The following MGST1 variants were observed in gnomAD, a reference collection of about 807,000 sequenced individuals.
MGST1 encodes glutathione S-transferase 12.
MGST1 carries 5 observed loss-of-function variants against 8.9 expected under a neutral mutation model. That is an observed-to-expected ratio of 0.56 (90% CI 0.29 to 1.19). The LOEUF (loss-of-function observed/expected upper bound fraction) is 1.19. Among genes scored for constraint, MGST1 ranks in the 50% most tolerant of loss-of-function variants. The pLI is 0.08. For synonymous variants in MGST1, 54 were observed against 67.8 expected (o/e 0.80, Z 1.00); for missense variants, 182 against 187.4 (o/e 0.97, Z 0.17).
intron 4 of MGST1, among the ~76,000 whole-genome samples, chr12:16,476,078 G>A (rs1025341790): frequency 6.6e-6 from 1 of 152,074 alleles, no homozygotes; most frequent in Admixed American, 6.5e-5. Flanking sequence ...TAGACCCAGT[G>A]AGGACTTGGT....
chr12:16,386,699 C>T (rs1024056080), intron 1 of MGST1, among the ~76,000 whole-genome samples: 1 of 152,084 alleles, frequency 6.6e-6, no homozygotes, highest in Non-Finnish European at 1.5e-5. Context: ...TACAGTAGGC[C>T]CCCTTTGTCT....
intron 4 of MGST1, among the ~76,000 whole-genome samples, chr12:16,521,327 GAACTTTC>G (rs1941647505): frequency 6.6e-6 from 1 of 151,974 alleles, no homozygotes; most frequent in South Asian, 2.1e-4. Flanking sequence ...ACAATGTTTT[GAACTTTC>G]TACATAACAA....
Position 16,559,686 on chromosome 12 carries a change from C to G in MGST1, n.483-29842C>G, listed in dbSNP as rs1168984610. Among the ~76,000 whole-genome samples, 1 of 151,882 alleles carries G rather than the reference C, an allele frequency of 6.6e-6. No homozygotes were observed. Among genetic ancestry groups the G allele is most frequent in the Non-Finnish European group, 1.5e-5 (1 of 68,006 alleles). On this transcript the variant is annotated intron_variant and non_coding_transcript_variant, in intron 4 of 4. Transcript: ENST00000538857. This position sits in a 1 kb window ranked among gnomAD's most constrained non-coding sequence, Gnocchi z 4.1. ...GCTAGATTGGGTGGGGGTGGTGGCT[C>G]ATGCCTATAATCCCTGCACTTTGGG... is the stretch of plus-strand genomic sequence containing the variant.
At position 16,586,026 on chromosome 12, in the gene MGST1, T is replaced by C. The variant is rs557027207; in HGVS notation, n.483-3502T>C. 6.6e-6 allele frequency among the ~76,000 whole-genome samples: 1 copy of C among 152,242 alleles called. No individual in the cohort carries two copies. The highest frequency in any genetic ancestry group is 1.9e-4 in the East Asian group (1 of 5,182). ...CTTAGGACACTGATGTTTTTGCAGC[T>C]GTTAATGAAAATCTTCAACACAGGA... On this transcript the variant is annotated intron_variant and non_coding_transcript_variant, in intron 4 of 4. Transcript: ENST00000538857. This position sits in a 1 kb window ranked among gnomAD's most constrained non-coding sequence, Gnocchi z 4.3.
intron 4 of MGST1, among the ~76,000 whole-genome samples, chr12:16,479,235 CTTT>C (rs542448251): frequency 4.5e-5 from 5 of 112,052 alleles, no homozygotes; most frequent in South Asian, 5.8e-4. Flanking sequence ...TAGACTGTAT[CTTT>C]TTTTTTTTTT....
At chr12:16,384,122 T>C (rs1451921651) in intron 1 of MGST1, among the ~76,000 whole-genome samples, 1 of 152,136 alleles carries the variant, frequency 6.6e-6, no homozygotes, top group Admixed American at 6.5e-5. Context: ...GATCTTGGGT[T>C]GGGATACTGC....
intron 1 of MGST1, chr12:16,400,351 C>T (rs1322341302): frequency 2.6e-5 from 21 of 813,856 alleles, no homozygotes; most frequent in East Asian, 4.8e-5. Context: ...TTTGTCTCCT[C>T]GAACAGATAT....
At chr12:16,387,026 G>T (rs1940509523) in intron 1 of MGST1, among the ~76,000 whole-genome samples, 1 of 152,156 alleles carries the variant, frequency 6.6e-6, no homozygotes, top group Admixed American at 6.5e-5. Context: ...GAGTAGTAAT[G>T]CTGGCATATT....
downstream of MGST1, among the ~76,000 whole-genome samples, chr12:16,442,583 T>C (rs1941047803): frequency 6.6e-6 from 1 of 151,918 alleles, no homozygotes; most frequent in Non-Finnish European, 1.5e-5. The surrounding 1 kb of genome is among the most constrained non-coding windows in gnomAD (Gnocchi z 4.5). Context: ...ATTTTCTCTA[T>C]GTATTGCCTT....
At chr12:16,454,284 A>T (rs1941152143) in intron 4 of MGST1, among the ~76,000 whole-genome samples, 1 of 151,974 alleles carries the variant, frequency 6.6e-6, no homozygotes, top group African/African-American at 2.4e-5. Context: ...TTGTTAAATA[A>T]GATTTTAAGG....
At chr12:16,519,562 TCTC>T (rs927501443) in intron 4 of MGST1, among the ~76,000 whole-genome samples, 3 of 152,174 alleles carry the variant, frequency 2.0e-5, no homozygotes, top group Non-Finnish European at 4.4e-5. Flanking sequence ...GATATTTTCT[TCTC>T]CTTTTACTAC....
chr12:16,583,645 A>C (rs576300491), intron 4 of MGST1, among the ~76,000 whole-genome samples: 104 of 152,346 alleles, frequency 6.8e-4, no homozygotes, highest in African/African-American at 2.3e-3. Flanking sequence ...CTGATAAAAA[A>C]CATCAGGGAA....
downstream of MGST1, among the ~76,000 whole-genome samples, chr12:16,592,286 G>A (rs1591821287): frequency 6.6e-6 from 1 of 151,898 alleles, no homozygotes. Context: ...TCTCAGCAAG[G>A]GTTGCACCGT....
intron 1 of MGST1, among the ~76,000 whole-genome samples, chr12:16,421,641 G>C (rs1421855323): frequency 6.6e-6 from 1 of 152,078 alleles, no homozygotes; most frequent in Non-Finnish European, 1.5e-5. Context: ...TATCAAACCT[G>C]TAGTTTCTGG....
intron 4 of MGST1, among the ~76,000 whole-genome samples, chr12:16,514,700 C>T (rs1226829543): frequency 1.3e-5 from 2 of 151,388 alleles, no homozygotes; most frequent in Admixed American, 1.3e-4. Context: ...CAGAGACAAC[C>T]TTTCTGTCTT....
In MGST1 at chr12:16,362,380, G is replaced by GTGAGATGTTGTGGCTCATA. The variant is rs4149218; in HGVS notation, c.222-1414_222-1413insGAGATGTTGTGGCTCATAT. On this transcript the variant is annotated intron_variant, in intron 3 of 3. Coordinates refer to ENST00000396210, the MANE Select transcript of MGST1 (RefSeq NM_020300.5). This position sits in a 1 kb window ranked among gnomAD's most constrained non-coding sequence, Gnocchi z 4.4. ...GCTGCTGTCCTCTTCATGTCTCTATGTAGTCATCCTCTTTGTGAGACAAGC... is the reference window on the plus strand; with the variant it reads ...GCTGCTGTCCTCTTCATGTCTCTATGTGAGATGTTGTGGCTCATATAGTCATCCTCTTTGTGAGACAAGC... 2.6e-5 allele frequency among the ~76,000 whole-genome samples: 4 copies of GTGAGATGTTGTGGCTCATA among 151,734 alleles called. No individual in the cohort carries two copies. The East Asian group carries it at 7.8e-4, about 30-fold the overall frequency.
intron 4 of MGST1, among the ~76,000 whole-genome samples, chr12:16,527,119 C>A (rs538923011): frequency 6.6e-6 from 1 of 151,928 alleles, no homozygotes; most frequent in Non-Finnish European, 1.5e-5. Flanking sequence ...AATACAAATA[C>A]CCAGTTTGAC....
At chr12:16,469,649 G>A (rs556560652) in intron 4 of MGST1, among the ~76,000 whole-genome samples, 1 of 152,312 alleles carries the variant, frequency 6.6e-6, no homozygotes, top group East Asian at 1.9e-4. Flanking sequence ...CTGCTCTCAA[G>A]CTAAGTATCG....
intron 1 of MGST1, among the ~76,000 whole-genome samples, chr12:16,404,339 T>C (rs141455704): frequency 6.6e-6 from 1 of 152,264 alleles, no homozygotes; most frequent in Non-Finnish European, 1.5e-5. Context: ...GTGTTAGATC[T>C]ATTTCTAATA....
Sources: allele counts gnomAD v4.1 joint callset (sites outside exome capture counted in the v4.1 genomes callset), GRCh38; gene constraint gnomAD v4.1.1; non-coding constraint Gnocchi (gnomAD v3.1); transcripts MANE v1.5; gene names NCBI Gene and HGNC (gene_info 2026-07-23, HGNC 2026-07-21).